The following NTF3 variants were observed in gnomAD, a reference collection of about 807,000 sequenced individuals.
The protein encoded by NTF3 is neurotrophin-3.
NTF3 carries 8 observed loss-of-function variants against 26.3 expected under a neutral mutation model. The ratio of observed to expected loss-of-function variants is 0.30; its 90% CI spans 0.18 to 0.55. NTF3 has a LOEUF of 0.55. Ranked by LOEUF, NTF3 falls within the 20% of genes least tolerant of loss-of-function variation. The pLI is 0.93. For synonymous variants in NTF3, 154 were observed against 145.5 expected (o/e 1.06, Z -0.42); for missense variants, 276 against 352.9 (o/e 0.78, Z 1.75).
chr12:5,487,289 G>A (rs570838539), intron 1 of NTF3, among the ~76,000 whole-genome samples: 72 of 152,312 alleles, frequency 4.7e-4, no homozygotes, highest in African/African-American at 1.6e-3. Context: ...CATCTTTTAC[G>A]GCCTCGGGGC....
rs772990499 is a variant in NTF3 at position 5,432,297 on chromosome 12, C to T, written c.-28C>T. 11 of 1,613,180 alleles carry T rather than the reference C, an allele frequency of 6.8e-6. No homozygotes were observed. The South Asian group carries it at 7.7e-5, about 11-fold the overall frequency. The stretch of plus-strand genomic sequence containing the variant: ...GCGTCCACCTTTCTCTTCATGTCGA[C>T]GTCCCTGGAAACGGCCACACGGATG... On this transcript the variant is annotated 5_prime_UTR_variant, in exon 1 of 2. The change creates a new upstream start codon in the 5' untranslated region. Transcript: ENST00000423158.
intron 1 of NTF3, among the ~76,000 whole-genome samples, chr12:5,449,274 C>T (rs1225656221): frequency 6.6e-6 from 1 of 152,202 alleles, no homozygotes; most frequent in Non-Finnish European, 1.5e-5. Context: ...TTAATAGGAG[C>T]TCTGTCTCGA....
At chr12:5,455,533 AACACACACACACACAC>A (rs60429736) in intron 1 of NTF3, among the ~76,000 whole-genome samples, 7 of 103,766 alleles carry the variant, frequency 6.7e-5, no homozygotes, top group Middle Eastern at 4.7e-3. Context: ...ACCCCTCCCC[AACACACACACACACAC>A]ACACACACAC....
chr12:5,461,782 G>A (rs1283059355), intron 1 of NTF3, among the ~76,000 whole-genome samples: 1 of 152,164 alleles, frequency 6.6e-6, no homozygotes, highest in Non-Finnish European at 1.5e-5. Flanking sequence ...TAATGAGGAA[G>A]GTTGAACTGG....
chr12:5,436,856 A>G (rs1304635498), intron 1 of NTF3, among the ~76,000 whole-genome samples: 1 of 152,222 alleles, frequency 6.6e-6, no homozygotes, highest in Non-Finnish European at 1.5e-5. Flanking sequence ...ATTCAGAGGA[A>G]AGGTAGTCTA....
intron 1 of NTF3, among the ~76,000 whole-genome samples, chr12:5,460,290 T>G (rs1342742695): frequency 6.6e-6 from 1 of 152,226 alleles, no homozygotes; most frequent in Non-Finnish European, 1.5e-5. Flanking sequence ...TCCACCATTA[T>G]AGCATACAGA....
chr12:5,447,370 G>A (rs978507785), intron 1 of NTF3, among the ~76,000 whole-genome samples: 1 of 152,212 alleles, frequency 6.6e-6, no homozygotes, highest in Non-Finnish European at 1.5e-5. Context: ...GACTGAAGGA[G>A]GAGTTAAGAG....
chr12:5,488,444 G>A (rs1347931767), intron 1 of NTF3, among the ~76,000 whole-genome samples: 2 of 152,094 alleles, frequency 1.3e-5, no homozygotes, highest in Non-Finnish European at 2.9e-5. Flanking sequence ...AATCCCCAGC[G>A]GAGGCTCCAC....
intron 1 of NTF3, among the ~76,000 whole-genome samples, chr12:5,484,177 G>T (rs1424241793): frequency 2.0e-5 from 3 of 152,302 alleles, no homozygotes; most frequent in African/African-American, 7.2e-5. Context: ...GGCTGGGCTT[G>T]GTTCCAGCTC....
At chr12:5,471,051 C>T (rs1940660046) in intron 1 of NTF3, among the ~76,000 whole-genome samples, 1 of 152,096 alleles carries the variant, frequency 6.6e-6, no homozygotes, top group Non-Finnish European at 1.5e-5. Context: ...TCTCTTCTCC[C>T]CTACTACTAG....
intron 1 of NTF3, among the ~76,000 whole-genome samples, chr12:5,442,792 T>C (rs556050573): frequency 6.6e-6 from 1 of 152,158 alleles, no homozygotes; most frequent in Non-Finnish European, 1.5e-5. Context: ...TACAAAGTAT[T>C]ATTGTAAGGG....
chr12:5,432,456 C>A, intron 1 of NTF3, 114 bp downstream of exon 1: 1 of 1,159,494 alleles, frequency 8.6e-7, no homozygotes, highest in South Asian at 1.3e-5. Context: ...TCCCGCCCCA[C>A]CCCCATCGCG....
chr12:5,441,832 G>A lies in NTF3; in HGVS notation c.18+9490G>A, dbSNP rs150389390. Among the ~76,000 whole-genome samples the A allele has an allele frequency of 3.5e-3, 529 of 152,310 alleles. 2 individuals are homozygous for A. The highest frequency in any genetic ancestry group is 7.7e-3 in the East Asian group (40 of 5,178). ...TGGCCTGTCCCAAGGCTAAGGTCATGAATGCTCAGCGCTTGGTGGCCAGAA... is the reference window on the plus strand; with the variant it reads ...TGGCCTGTCCCAAGGCTAAGGTCATAAATGCTCAGCGCTTGGTGGCCAGAA... On this transcript the variant is annotated intron_variant, in intron 1 of 1. Coordinates refer to ENST00000423158, the MANE Select transcript of NTF3 (RefSeq NM_001102654.2).
intron 1 of NTF3, among the ~76,000 whole-genome samples, chr12:5,491,632 G>A (rs1045924852): frequency 3.9e-5 from 6 of 151,912 alleles, no homozygotes; most frequent in Non-Finnish European, 7.4e-5. Context: ...CAAGAGGCCT[G>A]TGAGCCCAGT....
At chr12:5,474,784 GA>G (rs1303044720) in intron 1 of NTF3, among the ~76,000 whole-genome samples, 1 of 152,204 alleles carries the variant, frequency 6.6e-6, no homozygotes, top group South Asian at 2.1e-4. Context: ...TAGAGAAAAG[GA>G]GGGTGGATTT....
At chr12:5,430,515 T>A (rs1940071418), upstream of NTF3, among the ~76,000 whole-genome samples, 1 of 151,180 alleles carries the variant, frequency 6.6e-6, no homozygotes. Context: ...CGGTTTTCGA[T>A]GTGGCAACCC....
intron 1 of NTF3, among the ~76,000 whole-genome samples, chr12:5,457,056 G>A (rs748770000): frequency 5.0e-4 from 76 of 152,298 alleles, no homozygotes; most frequent in African/African-American, 1.7e-3. Context: ...ATAACATCTC[G>A]CTCCTTTTGC....
intron 1 of NTF3, among the ~76,000 whole-genome samples, chr12:5,457,059 C>G (rs1397127389): frequency 6.6e-6 from 1 of 152,202 alleles, no homozygotes; most frequent in South Asian, 2.1e-4. Context: ...ACATCTCGCT[C>G]CTTTTGCTGC....
At chr12:5,467,388 T>C (rs987611342) in intron 1 of NTF3, among the ~76,000 whole-genome samples, 2 of 152,188 alleles carry the variant, frequency 1.3e-5, no homozygotes, top group Non-Finnish European at 2.9e-5. Context: ...AATGATAGTA[T>C]TGCATTAAAA....
Sources: allele counts gnomAD v4.1 joint callset (sites outside exome capture counted in the v4.1 genomes callset), GRCh38; gene constraint gnomAD v4.1.1; transcripts MANE v1.5; gene names NCBI Gene and HGNC (gene_info 2026-07-23, HGNC 2026-07-21).